DPF1: variants seen among roughly 807,000 people sequenced by gnomAD.
DPF1 encodes double PHD fingers 1.
In DPF1, 14 loss-of-function variants were observed where a neutral mutation model predicts 58.7. The ratio of observed to expected loss-of-function variants is 0.24; its 90% CI spans 0.16 to 0.37. The LOEUF (loss-of-function observed/expected upper bound fraction) is 0.37, where lower values mean the gene tolerates loss of function less well. DPF1 is among the 10% of genes least tolerant of loss of function. The pLI is 1.00. For missense variants in DPF1, 345 were observed against 529.9 expected (o/e 0.65, Z 3.43); for synonymous variants, 216 against 216.0 (o/e 1.00, Z 0.00).
intron 3 of DPF1, 183 bp from the exon 4 acceptor site, chr19:38,219,241 C>A: frequency 1.3e-6 from 1 of 771,280 alleles, no homozygotes; most frequent in East Asian, 2.7e-5. Flanking sequence ...CTCAGATGCC[C>A]TGGGATGCAC....
In DPF1 at chr19:38,222,678, G is replaced by A. The variant is rs888692243; in HGVS notation, c.60C>T (p.Ile20=). The part of the protein sequence containing the change: ...SLGEDFYREA[I]EHCRSYNARL... The stretch of plus-strand genomic sequence containing the variant: ...GCGCGTTGTAACTGCGGCAGTGCTC[G>A]ATGGCCTCGCGGTAGAAGTCCTCGC... The change falls in exon 2 of 12, where the codon ATC becomes ATT. Residue 20 remains isoleucine (I), a synonymous_variant. Coordinates refer to ENST00000355526, the MANE Select transcript of DPF1 (RefSeq NM_001135155.3). The surrounding 1 kb of genome is among the most constrained non-coding windows in gnomAD (Gnocchi z 4.9). The A allele has an allele frequency of 1.2e-6, 2 of 1,604,542 alleles. No individual in the cohort carries two copies. Among genetic ancestry groups the A allele is most frequent in the South Asian group, 1.1e-5 (1 of 89,776 alleles).
At chr19:38,214,266 T>G (rs184460791) in intron 9 of DPF1, among the ~76,000 whole-genome samples, 4 of 152,194 alleles carry the variant, frequency 2.6e-5, no homozygotes, top group African/African-American at 9.6e-5. Context: ...GCAACAAAAC[T>G]GTTACTCACA....
Position 38,218,608 on chromosome 19 carries a change from C to T in DPF1, c.481G>A (p.Asp161Asn). ...HDLEVEDLED[D>N]IPRRKNRAKG... is the part of the protein sequence containing the mutation. ...GCCCTGTTCTTCCTCCTGGGAATGT[C>T]ATCCTCCAAGTCTTCCACCTCGAGG... is the stretch of plus-strand genomic sequence containing the variant. Residue 161 changes from aspartate (D) to asparagine (N), a missense_variant, in exon 5 of 12, where the codon GAC (aspartate) becomes AAC (asparagine). Asp to Asn is a conservative substitution (Grantham distance 23). Coordinates refer to ENST00000355526, the MANE Select transcript of DPF1 (RefSeq NM_001135155.3). 1 of 1,614,186 alleles carries T rather than the reference C, an allele frequency of 6.2e-7. No homozygotes were observed. The highest frequency in any genetic ancestry group is 1.3e-5 in the African/African-American group (1 of 75,048).
Position 38,224,051 on chromosome 19 carries a change from A to G in DPF1, c.29+63T>C. ...CTTCGGCCCCACCCCCGGTCGCCACACACACACAGGCCCGCGTAGACCCGC... is the reference window on the plus strand; with the variant it reads ...CTTCGGCCCCACCCCCGGTCGCCACGCACACACAGGCCCGCGTAGACCCGC... On this transcript the variant is annotated intron_variant, in intron 1 of 11. Transcript: ENST00000355526. This position sits in a 1 kb window ranked among gnomAD's most constrained non-coding sequence, Gnocchi z 4.5. The G allele has an allele frequency of 6.9e-7, 1 of 1,457,292 alleles. No individual in the cohort carries two copies. The highest frequency in any genetic ancestry group is 9.0e-7 in the Non-Finnish European group (1 of 1,114,302). The allele number at this position is 1,457,292 out of a possible 1,614,324, so 90.3% of individuals were successfully genotyped here.
chr19:38,224,049 A>C lies in DPF1; in HGVS notation c.29+65T>G. The C allele has an allele frequency of 7.5e-7, 1 of 1,336,292 alleles. No individual in the cohort carries two copies. The allele number at this position is 1,336,292 out of a possible 1,614,324, so 82.8% of individuals were successfully genotyped here. ...CCCTTCGGCCCCACCCCCGGTCGCC[A>C]CACACACACAGGCCCGCGTAGACCC... On this transcript the variant is annotated intron_variant, in intron 1 of 11. Coordinates refer to ENST00000355526, the MANE Select transcript of DPF1 (RefSeq NM_001135155.3). The surrounding 1 kb of genome is among the most constrained non-coding windows in gnomAD (Gnocchi z 4.5).
chr19:38,218,633 G>C lies in DPF1; in HGVS notation c.456C>G (p.Asp152Glu), dbSNP rs375057978. 41 of 1,614,136 alleles carry C rather than the reference G, an allele frequency of 2.5e-5. No individual in the cohort carries two copies. Among genetic ancestry groups the C allele is most frequent in the Non-Finnish European group, 3.3e-5 (39 of 1,180,052 alleles). Residue 152 changes from aspartate to glutamate, a missense_variant, in exon 5 of 12, where the codon GAC becomes GAG. Transcript: ENST00000355526. ...QKQQLLEFPHDLEVEDLEDDI... is the reference protein window; with the variant it reads ...QKQQLLEFPHELEVEDLEDDI... ...CATCCTCCAAGTCTTCCACCTCGAG[G>C]TCATGCGGAAACTCCAGCAACTGCT...
At chr19:38,212,237 T>TGGGGGGGCC in intron 11 of DPF1, 43 bp downstream of exon 11, 1 of 1,256,814 alleles carries the variant, frequency 8.0e-7, no homozygotes, top group Non-Finnish European at 1.1e-6. Flanking sequence ...GGAGATGGCG[T>TGGGGGGGCC]TCCCACCCAC....
chr19:38,224,693 C>T (rs1238335799), upstream of DPF1, among the ~76,000 whole-genome samples: 1 of 152,146 alleles, frequency 6.6e-6, no homozygotes, highest in Non-Finnish European at 1.5e-5. This position sits in a 1 kb window ranked among gnomAD's most constrained non-coding sequence, Gnocchi z 4.5. Flanking sequence ...AGACCCCACC[C>T]GGGGCTGTCT....
intron 11 of DPF1, 37 bp from the exon 12 acceptor site, chr19:38,212,170 C>G: frequency 1.3e-6 from 2 of 1,595,846 alleles, no homozygotes; most frequent in Non-Finnish European, 1.7e-6. Flanking sequence ...AGGCCCGGGT[C>G]CGGGAGGGCT....
rs1330620368 is a variant in DPF1 at position 38,211,246 on chromosome 19, A to G, written c.*817T>C. On this transcript the variant is annotated 3_prime_UTR_variant, in exon 12 of 12. Coordinates refer to ENST00000355526, the MANE Select transcript of DPF1 (RefSeq NM_001135155.3). This position sits in a 1 kb window ranked among gnomAD's most constrained non-coding sequence, Gnocchi z 4.0. Reference sequence around the variant, plus strand: ...CCTCACTCCCCCAAAATGGCCAGCGAGGGGGGCGGGGGCCGCCAGGCCTGG... The same window carrying G: ...CCTCACTCCCCCAAAATGGCCAGCGGGGGGGGCGGGGGCCGCCAGGCCTGG... 1 of 150,276 alleles carries G rather than the reference A, an allele frequency of 6.7e-6. No individual in the cohort carries two copies. Among genetic ancestry groups the G allele is most frequent in the Non-Finnish European group, 1.5e-5 (1 of 67,532 alleles). 9.3% of individuals were successfully genotyped at this position (150,276 alleles called of 1,614,324 possible).
Position 38,216,250 on chromosome 19 carries a change from G to A in DPF1, c.788C>T (p.Ala263Val), listed in dbSNP as rs1421503385. 3.7e-6 allele frequency: 6 copies of A among 1,614,102 alleles called. No homozygotes were observed. The highest frequency in any genetic ancestry group is 2.2e-5 in the East Asian group (1 of 44,884). ...GTTGGGGATGACAGTGCCGTCGGGC[G>A]CCTTCTTGGCTGCAAGACAGCAGAC... ...EAQRKHTAKK[A>V]PDGTVIPNGY... Residue 263 changes from alanine to valine, a missense_variant, in exon 9 of 12, where the codon GCG becomes GTG. Physicochemically the swap from Ala to Val is moderately conservative, Grantham distance 64. Coordinates refer to ENST00000355526, the MANE Select transcript of DPF1 (RefSeq NM_001135155.3).
At position 38,222,840 on chromosome 19, in the gene DPF1, C is replaced by T; in HGVS notation, c.30-132G>A. The T allele has an allele frequency of 1.6e-6, 2 of 1,275,210 alleles. No individual in the cohort carries two copies. The highest frequency in any genetic ancestry group is 2.1e-6 in the Non-Finnish European group (2 of 974,210). 79.0% of individuals were successfully genotyped at this position (1,275,210 alleles called of 1,614,324 possible). A position where few individuals can be genotyped will look rare whatever the true frequency, so the allele number is the denominator to read the frequency against. On this transcript the variant is annotated intron_variant, in intron 1 of 11. Transcript: ENST00000355526. This position sits in a 1 kb window ranked among gnomAD's most constrained non-coding sequence, Gnocchi z 4.9. The stretch of plus-strand genomic sequence containing the variant: ...GCCGACCCCTCCAGCCTCACCTCTC[C>T]CCTCCTCCCACTCCGGGACCCAGGC...
Position 38,212,090 on chromosome 19 carries a change from C to T in DPF1, c.1137G>A (p.Lys379=), listed in dbSNP as rs762855291. ...AGGTGAGGGTGATGTAAGCAGAAGC[C>T]TTTTCCTTCAGGTGCCGGAGACAGA... ...CHLCLRHLKE[K]ASAYITLT The change falls in exon 12 of 12, where the codon AAG becomes AAA. Residue 379 remains lysine, a synonymous_variant. Coordinates refer to ENST00000355526, the MANE Select transcript of DPF1 (RefSeq NM_001135155.3). 14 of 1,612,360 alleles carry T rather than the reference C, an allele frequency of 8.7e-6. No homozygotes were observed. In the South Asian group the frequency reaches 1.5e-4, roughly 18 times the overall value.
intron 9 of DPF1, among the ~76,000 whole-genome samples, chr19:38,214,576 C>A (rs1397097328): frequency 6.6e-6 from 1 of 152,196 alleles, no homozygotes; most frequent in Non-Finnish European, 1.5e-5. Context: ...GCTCATCCTG[C>A]TACCGGTGCC....
chr19:38,222,307 C>G lies in DPF1; in HGVS notation c.298+50G>C. ...TAAAGGTGATGGACGAGTGCTAGGA[C>G]ACACAGCAGGCGCTGGGACACCGAT... On this transcript the variant is annotated intron_variant, in intron 3 of 11. Coordinates refer to ENST00000355526, the MANE Select transcript of DPF1 (RefSeq NM_001135155.3). The surrounding 1 kb of genome is among the most constrained non-coding windows in gnomAD (Gnocchi z 4.9). 6.8e-7 allele frequency: 1 copy of G among 1,471,850 alleles called. No homozygotes were observed. Among genetic ancestry groups the G allele is most frequent in the Non-Finnish European group, 9.3e-7 (1 of 1,078,858 alleles). The allele number at this position is 1,471,850 out of a possible 1,614,324, so 91.2% of individuals were successfully genotyped here. A position where few individuals can be genotyped will look rare whatever the true frequency, so the allele number is the denominator to read the frequency against.
chr19:38,213,846 C>G, intron 9 of DPF1, 90 bp from the exon 10 acceptor site: 1 of 1,117,034 alleles, frequency 9.0e-7, no homozygotes, highest in South Asian at 1.4e-5. Context: ...CAGCCCCTAC[C>G]CCTGGCTCAT....
At chr19:38,224,532 C>A (rs1330676094), upstream of DPF1, among the ~76,000 whole-genome samples, 1 of 152,172 alleles carries the variant, frequency 6.6e-6, no homozygotes, top group Non-Finnish European at 1.5e-5. The surrounding 1 kb of genome is among the most constrained non-coding windows in gnomAD (Gnocchi z 4.5). Context: ...TACTCACACA[C>A]CTTCGCACGG....
In DPF1 at chr19:38,213,750, G is replaced by A; in HGVS notation, c.905C>T (p.Pro302Leu). The change falls in exon 10 of 12, where the codon CCC (proline) becomes CTC (leucine). Residue 302 changes from proline to leucine, a missense_variant. Transcript: ENST00000355526. ...SCADCGRSGH[P>L]SCLQFTVNMT... ...GTTCACCGTGAATTGTAAACACGAG[G>A]GGTGTCCTGGGGGCCAAGGGGCAGG... is the stretch of plus-strand genomic sequence containing the variant. 1 of 1,613,496 alleles carries A rather than the reference G, an allele frequency of 6.2e-7. No homozygotes were observed. The highest frequency in any genetic ancestry group is 8.5e-7 in the Non-Finnish European group (1 of 1,179,612).
In DPF1 at chr19:38,219,077, G is replaced by T. The variant is rs543390923; in HGVS notation, c.299-19C>A. The T allele has an allele frequency of 3.1e-6, 5 of 1,612,996 alleles. No individual in the cohort carries two copies. Among genetic ancestry groups the T allele is most frequent in the Middle Eastern group, 1.7e-4 (1 of 6,054 alleles). On this transcript the variant is annotated intron_variant, in intron 3 of 11. Coordinates refer to ENST00000355526, the MANE Select transcript of DPF1 (RefSeq NM_001135155.3). ...TCACAGTCTGGGGACAGGGCCATGG[G>T]GGGGTCAGATGGGGAAGTTGACCCC...
Sources: gnomAD v4.1 joint callset for allele counts (sites outside exome capture counted in the v4.1 genomes callset) on GRCh38, gnomAD v4.1.1 for gene constraint, Gnocchi (gnomAD v3.1) non-coding constraint, MANE v1.5 for transcripts, NCBI Gene and HGNC (gene_info 2026-07-23, HGNC 2026-07-21) for gene names.